Variants in DNAH5 observed in about 807,000 individuals in gnomAD.
DNAH5 encodes the protein axonemal beta dynein heavy chain 5.
DNAH5 carries 372 observed loss-of-function variants against 518.2 expected under a neutral mutation model. The ratio of observed to expected loss-of-function variants is 0.72; its 90% CI spans 0.66 to 0.78. The LOEUF is 0.78. Ranked by LOEUF, DNAH5 falls within the 30% of genes least tolerant of loss-of-function variation. The pLI is 0.00. For missense variants in DNAH5, 5,523 were observed against 5,687.0 expected (o/e 0.97, Z 0.93); for synonymous variants, 2,039 against 2,025.9 (o/e 1.01, Z -0.17).
intron 65 of DNAH5, among the ~76,000 whole-genome samples, chr5:13,746,174 A>G (rs982506273): frequency 1.3e-5 from 2 of 152,084 alleles, no homozygotes; most frequent in Non-Finnish European, 2.9e-5. Context: ...AGCCACTGAG[A>G]GCAATTCTTT....
chr5:13,951,106 C>T (rs1780358878), intron 1 of DNAH5, among the ~76,000 whole-genome samples: 1 of 151,526 alleles, frequency 6.6e-6, no homozygotes, highest in African/African-American at 2.4e-5. Context: ...TTTTCCACTT[C>T]ACACACTGGC....
chr5:13,980,712 A>T (rs1228359038), intron 1 of DNAH5, among the ~76,000 whole-genome samples: 1 of 152,012 alleles, frequency 6.6e-6, no homozygotes. Context: ...ACTTTCCCAC[A>T]CAGAGACCAG....
intron 1 of DNAH5, among the ~76,000 whole-genome samples, chr5:13,961,224 C>T (rs1477109584): frequency 6.6e-6 from 1 of 152,166 alleles, no homozygotes; most frequent in African/African-American, 2.4e-5. Flanking sequence ...GAGAGTATTA[C>T]TATACCCATT....
chr5:13,724,865 G>T (rs985072122), intron 70 of DNAH5, among the ~76,000 whole-genome samples: 1 of 152,200 alleles, frequency 6.6e-6, no homozygotes, highest in Non-Finnish European at 1.5e-5. Flanking sequence ...ACCAGAAGCT[G>T]AGCAGATGCC....
chr5:13,713,456 T>TAC, intron 75 of DNAH5, among the ~76,000 whole-genome samples: 1 of 131,750 alleles, frequency 7.6e-6, no homozygotes, highest in African/African-American at 3.1e-5. Context: ...TATATATATA[T>TAC]ATATATATAT....
At chr5:13,921,436 GTCTCTC>G (rs146530328) in intron 5 of DNAH5, among the ~76,000 whole-genome samples, 7 of 125,162 alleles carry the variant, frequency 5.6e-5, no homozygotes, top group South Asian at 5.6e-4. Flanking sequence ...CTCTCTCTCT[GTCTCTC>G]TCTCTCTCTC....
At chr5:13,974,188 T>A (rs571027392) in intron 1 of DNAH5, among the ~76,000 whole-genome samples, 5 of 151,180 alleles carry the variant, frequency 3.3e-5, no homozygotes, top group African/African-American at 1.2e-4. Context: ...AAGGTTGGAG[T>A]GCAGTGGTGC....
At chr5:13,975,543 G>T (rs1782181655) in intron 1 of DNAH5, among the ~76,000 whole-genome samples, 1 of 152,186 alleles carries the variant, frequency 6.6e-6, no homozygotes, top group Non-Finnish European at 1.5e-5. Context: ...GGGCGAAAAT[G>T]GGGCATTTAA....
chr5:13,949,622 G>A (rs1560993621), upstream of DNAH5, among the ~76,000 whole-genome samples: 1 of 152,220 alleles, frequency 6.6e-6, no homozygotes, highest in Non-Finnish European at 1.5e-5. Flanking sequence ...TGCATTTAGA[G>A]TAAACACTAA....
chr5:13,725,119 C>G (rs1287703801), intron 70 of DNAH5, among the ~76,000 whole-genome samples: 1 of 152,182 alleles, frequency 6.6e-6, no homozygotes, highest in East Asian at 1.9e-4. Flanking sequence ...AGCTTGCCCC[C>G]CACCTCCATG....
Position 13,901,399 on chromosome 5 carries a change from A to G in DNAH5, c.1905T>C (p.His635=), listed in dbSNP as rs545295433. Residue 635 remains histidine, a synonymous_variant, in exon 14 of 79, where the codon CAT becomes CAC. Coordinates refer to ENST00000265104, the MANE Select transcript of DNAH5 (RefSeq NM_001369.3). The stretch of plus-strand genomic sequence containing the variant: ...AAAGCTGCATGGGCTGCTGAATCCT[A>G]TGGAAGAGCTGGCGGGCCCACAAAA... ...GKILWARQLF[H]RIQQPMQLFQ... 6.0e-5 allele frequency: 97 copies of G among 1,614,124 alleles called. No individual in the cohort carries two copies. The South Asian group carries it at 6.8e-4, about 11-fold the overall frequency.
chr5:13,931,627 T>C (rs967158241), intron 1 of DNAH5, among the ~76,000 whole-genome samples: 2 of 152,236 alleles, frequency 1.3e-5, no homozygotes, highest in East Asian at 3.8e-4. Flanking sequence ...TAAAGTAATA[T>C]TTTTTCTACA....
At chr5:13,918,465 G>A (rs906986284) in intron 7 of DNAH5, among the ~76,000 whole-genome samples, 1 of 152,064 alleles carries the variant, frequency 6.6e-6, no homozygotes, top group Non-Finnish European at 1.5e-5. Flanking sequence ...AATATTGGCT[G>A]TTTTTGTTTT....
chr5:13,959,030 C>T (rs2152044139), intron 1 of DNAH5, among the ~76,000 whole-genome samples: 1 of 152,304 alleles, frequency 6.6e-6, no homozygotes, highest in East Asian at 1.9e-4. Flanking sequence ...GCGATCTTGG[C>T]TCACTGCAAC....
intron 71 of DNAH5, among the ~76,000 whole-genome samples, 162 bp from the exon 72 acceptor site, chr5:13,719,263 A>G (rs961119910): frequency 6.6e-6 from 1 of 152,252 alleles, no homozygotes; most frequent in South Asian, 2.1e-4. Context: ...TTTAATTGCG[A>G]TAAGCTATTT....
intron 1 of DNAH5, among the ~76,000 whole-genome samples, chr5:13,964,178 T>C (rs561713806): frequency 6.6e-5 from 10 of 152,300 alleles, no homozygotes; most frequent in African/African-American, 2.2e-4. Context: ...CTTGACTTTT[T>C]TTTTCCTTTA....
chr5:13,744,587 A>G (rs140192452), intron 65 of DNAH5, among the ~76,000 whole-genome samples: 332 of 152,208 alleles, frequency 2.2e-3, no homozygotes, highest in African/African-American at 7.8e-3. Context: ...AAATATCACT[A>G]TGTACCCCAT....
chr5:13,967,625 G>GT (rs1288875742), intron 1 of DNAH5, among the ~76,000 whole-genome samples: 2 of 151,992 alleles, frequency 1.3e-5, no homozygotes, highest in East Asian at 1.9e-4. Flanking sequence ...CTCCAGATTT[G>GT]TTTTTTTGTT....
At position 13,931,213 on chromosome 5, in the gene DNAH5, C is replaced by T. The variant is rs2152008994; in HGVS notation, c.89G>A (p.Arg30Gln). ...QRLKGEKEAKRALLDARHNYL... is the reference protein window; with the variant it reads ...QRLKGEKEAKQALLDARHNYL... Reference sequence around the variant, plus strand: ...GTTATGCCTCGCATCCAAAAGAGCCCGCTTGGCTTCCTTCTCTCCCTTCAG... The same window carrying T: ...GTTATGCCTCGCATCCAAAAGAGCCTGCTTGGCTTCCTTCTCTCCCTTCAG... The change falls in exon 2 of 79, where the codon CGG becomes CAG. Residue 30 changes from arginine to glutamine, a missense_variant. Transcript: ENST00000265104. The T allele has an allele frequency of 2.5e-6, 4 of 1,614,078 alleles. No homozygotes were observed. The highest frequency in any genetic ancestry group is 2.2e-5 in the East Asian group (1 of 44,874).
Sources: allele counts gnomAD v4.1 joint callset (sites outside exome capture counted in the v4.1 genomes callset), GRCh38; gene constraint gnomAD v4.1.1; transcripts MANE v1.5; gene names NCBI Gene and HGNC (gene_info 2026-07-23, HGNC 2026-07-21).